The following KIF5C variants were observed in gnomAD, a reference collection of about 807,000 sequenced individuals.
The protein encoded by KIF5C is kinesin family member 5C, also known as kinesin heavy chain isoform 5C.
KIF5C carries 18 observed loss-of-function variants against 125.2 expected under a neutral mutation model. The observed-to-expected ratio is 0.14, with a 90% CI of 0.10 to 0.21. The LOEUF (loss-of-function observed/expected upper bound fraction) is 0.21, where lower values mean the gene tolerates loss of function less well. Among genes scored for constraint, KIF5C ranks in the 10% least tolerant of loss-of-function variants. KIF5C has a pLI of 1.00. For missense variants in KIF5C, 780 were observed against 1,183.8 expected (o/e 0.66, Z 5.01); for synonymous variants, 405 against 434.0 (o/e 0.93, Z 0.83).
intron 12 of KIF5C, among the ~76,000 whole-genome samples, chr2:148,975,215 G>A (rs1180597750): frequency 2.6e-5 from 4 of 152,228 alleles, no homozygotes; most frequent in African/African-American, 9.6e-5. Context: ...GGGGGCACCA[G>A]AGCTAATGGT....
At position 149,005,552 on chromosome 2, in the gene KIF5C, G is replaced by A. The variant is rs1681982285; in HGVS notation, c.2445+88G>A. 59 of 1,545,290 alleles carry A rather than the reference G, an allele frequency of 3.8e-5. No individual in the cohort carries two copies. The South Asian group carries it at 6.6e-4, about 17-fold the overall frequency. On this transcript the variant is annotated intron_variant, in intron 22 of 25. Coordinates refer to ENST00000435030, the MANE Select transcript of KIF5C (RefSeq NM_004522.3). Reference sequence around the variant, plus strand: ...TTCAGTTGAAATATCACTTGCTTAAGTCGGGGCTGGTTATGCTTAAAAATT... The same window carrying A: ...TTCAGTTGAAATATCACTTGCTTAAATCGGGGCTGGTTATGCTTAAAAATT...
chr2:148,957,823 A>G (rs895797894), intron 10 of KIF5C, among the ~76,000 whole-genome samples: 2 of 152,078 alleles, frequency 1.3e-5, no homozygotes, highest in African/African-American at 4.8e-5. Flanking sequence ...ACATGTGACC[A>G]CCACCCAGGA....
intron 16 of KIF5C, among the ~76,000 whole-genome samples, chr2:148,991,534 C>T (rs1681526463): frequency 6.6e-6 from 1 of 152,034 alleles, no homozygotes; most frequent in Non-Finnish European, 1.5e-5. Context: ...TTAATCTCTA[C>T]CATAGGTCCA....
At chr2:148,927,412 G>A (rs990584898) in intron 2 of KIF5C, among the ~76,000 whole-genome samples, 9 of 152,192 alleles carry the variant, frequency 5.9e-5, no homozygotes, top group African/African-American at 2.2e-4. Context: ...CTTCGGTGCT[G>A]TTCTAACACC....
At chr2:148,967,614 G>A (rs1241658368) in intron 11 of KIF5C, among the ~76,000 whole-genome samples, 3 of 152,108 alleles carry the variant, frequency 2.0e-5, no homozygotes, top group Admixed American at 6.5e-5. Context: ...AATGGGTGTC[G>A]AGTGGCTGAA....
intron 3 of KIF5C, among the ~76,000 whole-genome samples, chr2:148,930,964 A>T (rs934930488): frequency 6.6e-6 from 1 of 151,996 alleles, no homozygotes; most frequent in Admixed American, 6.6e-5. Flanking sequence ...TGACCTTGAG[A>T]CTATAGAAAA....
chr2:148,996,541 T>C (rs984421030), intron 17 of KIF5C, among the ~76,000 whole-genome samples: 4 of 152,188 alleles, frequency 2.6e-5, no homozygotes, highest in Admixed American at 2.0e-4. Context: ...AAATAATGAA[T>C]TGAATGTCAC....
intron 2 of KIF5C, among the ~76,000 whole-genome samples, chr2:148,927,404 T>C (rs927112649): frequency 7.9e-5 from 12 of 152,114 alleles, no homozygotes; most frequent in Admixed American, 6.6e-5. Context: ...CCTGGCAACT[T>C]CGGTGCTGTT....
At chr2:148,906,260 C>A (rs540346038) in intron 1 of KIF5C, among the ~76,000 whole-genome samples, 2 of 152,032 alleles carry the variant, frequency 1.3e-5, no homozygotes, top group Non-Finnish European at 2.9e-5. Flanking sequence ...GAGGGTGAGG[C>A]GCAAGTATGA....
At chr2:148,918,414 T>C (rs1438606749) in intron 1 of KIF5C, among the ~76,000 whole-genome samples, 1 of 152,180 alleles carries the variant, frequency 6.6e-6, no homozygotes, top group Non-Finnish European at 1.5e-5. Flanking sequence ...GTTAATTAGA[T>C]TGATTGATAA....
At chr2:148,983,793 C>G (rs1449267590) in intron 15 of KIF5C, 27 bp downstream of exon 15, 1 of 1,564,344 alleles carries the variant, frequency 6.4e-7, no homozygotes, top group African/African-American at 1.4e-5. Context: ...TTTATCCTCT[C>G]TACCTGCTCC....
At chr2:148,928,322 C>G (rs766061362) in intron 2 of KIF5C, among the ~76,000 whole-genome samples, 137 of 152,274 alleles carry the variant, frequency 9.0e-4, no homozygotes, top group Non-Finnish European at 1.5e-3. Flanking sequence ...TTCTCCCTGC[C>G]TCTACAGCTT....
intron 8 of KIF5C, among the ~76,000 whole-genome samples, chr2:148,948,199 A>G (rs903252469): frequency 3.4e-4 from 52 of 151,788 alleles, no homozygotes; most frequent in African/African-American, 1.3e-3. Context: ...TTAAAAAAAA[A>G]AAAAAAAATT....
chr2:149,010,472 G>C, intron 24 of KIF5C, 121 bp downstream of exon 24: 1 of 1,439,866 alleles, frequency 6.9e-7, no homozygotes, highest in Admixed American at 2.8e-5. Context: ...CTGGGTTGGA[G>C]CCCGCAGGAC....
At chr2:148,981,202 G>A (rs893843347) in intron 13 of KIF5C, among the ~76,000 whole-genome samples, 153 bp from the exon 14 acceptor site, 5 of 151,830 alleles carry the variant, frequency 3.3e-5, no homozygotes, top group Admixed American at 6.6e-5. Flanking sequence ...TTTTTTTATC[G>A]TCTGGACCAT....
At chr2:148,922,270 A>T (rs1160857021) in intron 2 of KIF5C, 43 bp downstream of exon 2, 3 of 1,309,238 alleles carry the variant, frequency 2.3e-6, no homozygotes, top group Non-Finnish European at 3.3e-6. Context: ...ATTCAGAGTA[A>T]TTGAAAGCAT....
intron 2 of KIF5C, among the ~76,000 whole-genome samples, chr2:148,928,275 T>C (rs1682079862): frequency 6.6e-6 from 1 of 152,206 alleles, no homozygotes; most frequent in Non-Finnish European, 1.5e-5. Flanking sequence ...CTTGGTTTTT[T>C]ACATGACCCT....
chr2:148,941,457 C>T (rs562812979), intron 4 of KIF5C, among the ~76,000 whole-genome samples, 153 bp from the exon 5 acceptor site: 5 of 152,286 alleles, frequency 3.3e-5, no homozygotes, highest in African/African-American at 9.6e-5. Context: ...AGGGGAATCC[C>T]AGTAGAGCTG....
intron 1 of KIF5C, among the ~76,000 whole-genome samples, chr2:148,915,906 C>T (rs1681528901): frequency 6.6e-6 from 1 of 152,176 alleles, no homozygotes; most frequent in South Asian, 2.1e-4. Context: ...CAGGGTCACC[C>T]CTGCACTACC....
Sources: gnomAD v4.1 joint callset for allele counts (sites outside exome capture counted in the v4.1 genomes callset) on GRCh38, gnomAD v4.1.1 for gene constraint, MANE v1.5 for transcripts, NCBI Gene and HGNC (gene_info 2026-07-23, HGNC 2026-07-21) for gene names.